The following EPPIN variants were observed in gnomAD, a reference collection of about 807,000 sequenced individuals.
The protein encoded by EPPIN is epididymal peptidase inhibitor.
A neutral mutation model predicts 18.8 loss-of-function variants in EPPIN; 14 were observed. The observed-to-expected ratio is 0.75, with a 90% CI of 0.49 to 1.17. The LOEUF (loss-of-function observed/expected upper bound fraction) is 1.17. Among genes scored for constraint, EPPIN ranks in the 50% most tolerant of loss-of-function variants. EPPIN has a pLI of 0.00. For missense variants in EPPIN, 143 were observed against 154.2 expected (o/e 0.93, Z 0.39); for synonymous variants, 57 against 54.8 (o/e 1.04, Z -0.18).
intron 1 of EPPIN, among the ~76,000 whole-genome samples, chr20:45,546,988 C>T (rs73910225): frequency 0.047 from 7,080 of 152,024 alleles, 371 homozygotes; most frequent in Admixed American, 0.11. Flanking sequence ...ATTCCTGTAG[C>T]GACTCCCCTG....
chr20:45,543,549 T>C (rs943798469), intron 2 of EPPIN: 3 of 152,264 alleles, frequency 2.0e-5, no homozygotes, highest in Non-Finnish European at 2.9e-5. Flanking sequence ...AGCTCACCTC[T>C]CTGCCAGTCT....
Position 45,545,753 on chromosome 20 carries a change from T to A in EPPIN, c.109A>T (p.Arg37Ter). Residue 37 changes from arginine to a stop codon, truncating the protein, a stop_gained, in exon 2 of 4, where the codon AGA becomes TGA. Transcript: ENST00000354280. LOFTEE classifies it high-confidence loss of function. ...WLFPRRCPKI[R>*]EECEFQERDV... The stretch of plus-strand genomic sequence containing the variant: ...CTTTCTTGGAATTCACATTCTTCTC[T>A]GATTTTGGGACATCTCCCTAGGGAA... 1 of 1,614,074 alleles carries A rather than the reference T, an allele frequency of 6.2e-7. No individual in the cohort carries two copies. Among genetic ancestry groups the A allele is most frequent in the Non-Finnish European group, 8.5e-7 (1 of 1,179,930 alleles).
At chr20:45,542,512 A>G (rs1258869324) in intron 3 of EPPIN, 188 bp downstream of exon 3, 1 of 815,052 alleles carries the variant, frequency 1.2e-6, no homozygotes, top group Non-Finnish European at 1.9e-6. Context: ...TCTCATCCTC[A>G]GTTCCTCATA....
chr20:45,544,164 G>A (rs1412975618), intron 2 of EPPIN: 1 of 152,092 alleles, frequency 6.6e-6, no homozygotes, highest in African/African-American at 2.4e-5. Flanking sequence ...GGAACGTTGA[G>A]GATAAACGAA....
intron 2 of EPPIN, chr20:45,545,211 G>A (rs752366916): frequency 3.5e-4 from 62 of 177,634 alleles, no homozygotes; most frequent in Non-Finnish European, 2.5e-4. Context: ...CAGGAGAGGC[G>A]TTTTGGTGCA....
Position 45,541,837 on chromosome 20 carries a change from G to T in EPPIN, c.*307C>A. ...AAAGATGTCAATCACTCAGCCTCAAGGCACAGGACTACATCAAGTACTTTA... is the reference window on the plus strand; with the variant it reads ...AAAGATGTCAATCACTCAGCCTCAATGCACAGGACTACATCAAGTACTTTA... On this transcript the variant is annotated 3_prime_UTR_variant, in exon 4 of 4. Coordinates refer to ENST00000354280, the MANE Select transcript of EPPIN (RefSeq NM_020398.4). 3.0e-6 allele frequency: 1 copy of T among 335,962 alleles called. No homozygotes were observed. The highest frequency in any genetic ancestry group is 4.9e-5 in the East Asian group (1 of 20,388). The allele number at this position is 335,962 out of a possible 1,614,324, so 20.8% of individuals were successfully genotyped here.
intron 2 of EPPIN, chr20:45,544,470 A>T (rs1238074066): frequency 6.6e-6 from 1 of 152,150 alleles, no homozygotes; most frequent in Non-Finnish European, 1.5e-5. Flanking sequence ...GCTCGTAAAA[A>T]CTGGAGGTAA....
intron 2 of EPPIN, chr20:45,543,679 T>G (rs1002953006): frequency 2.0e-5 from 3 of 152,184 alleles, no homozygotes; most frequent in African/African-American, 7.3e-5. Flanking sequence ...GAGAGAAGGA[T>G]CTGATGGATC....
chr20:45,547,288 G>C lies in EPPIN; in HGVS notation c.70C>G (p.Leu24Val). The C allele has an allele frequency of 6.2e-7, 1 of 1,613,970 alleles. No individual in the cohort carries two copies. Among genetic ancestry groups the C allele is most frequent in the Non-Finnish European group, 8.5e-7 (1 of 1,179,886 alleles). The part of the protein sequence containing the change: ...VLLANVQGPG[L>V]TDWLFPRRCP... ...TTACTGGGAAATAACCAATCAGTCA[G>C]ACCAGGTCCCTGGACATTCGCTAAG... The change falls in exon 1 of 4, where the codon CTG (leucine) becomes GTG (valine). Residue 24 changes from leucine (L) to valine (V), a missense_variant. Physicochemically the swap from Leu to Val is conservative, Grantham distance 32. Transcript: ENST00000354280.
Position 45,542,897 on chromosome 20 carries a change from A to G in EPPIN, c.224-30T>C, listed in dbSNP as rs200975605. On this transcript the variant is annotated intron_variant, in intron 2 of 3. Transcript: ENST00000354280. ...AGAGAGACTCCAGAGTTGAAAACTC[A>G]GTGTGCCCACTCCAGAAATAAACAG... 4.0e-4 allele frequency: 635 copies of G among 1,590,926 alleles called. 1 individual carries two copies. Among genetic ancestry groups the G allele is most frequent in the Middle Eastern group, 8.5e-4 (5 of 5,912 alleles).
intron 1 of EPPIN, among the ~76,000 whole-genome samples, chr20:45,546,558 T>C (rs1429984401): frequency 6.6e-6 from 1 of 152,216 alleles, no homozygotes; most frequent in Non-Finnish European, 1.5e-5. Flanking sequence ...AATTGCTCTA[T>C]GAAGGAAGTT....
chr20:45,542,504 T>C, intron 3 of EPPIN, 196 bp downstream of exon 3: 1 of 782,140 alleles, frequency 1.3e-6, no homozygotes. Context: ...ACATCCCTTC[T>C]CATCCTCAGT....
intron 3 of EPPIN, chr20:45,542,360 G>T: frequency 1.4e-6 from 1 of 697,360 alleles, no homozygotes; most frequent in South Asian, 2.0e-5. Flanking sequence ...GGCTTAGAAG[G>T]GTTGGTTGGT....
chr20:45,540,846 G>A lies in EPPIN; in HGVS notation c.*1298C>T, dbSNP rs986391996. Reference sequence around the variant, plus strand: ...GAATGTAAATTGGTTCAACCATTGTGGAAGAGAGTGTGCCAATTCCTGAAA... The same window carrying A: ...GAATGTAAATTGGTTCAACCATTGTAGAAGAGAGTGTGCCAATTCCTGAAA... On this transcript the variant is annotated 3_prime_UTR_variant, in exon 4 of 4. Coordinates refer to ENST00000354280, the MANE Select transcript of EPPIN (RefSeq NM_020398.4). The A allele has an allele frequency of 6.6e-6, 1 of 152,196 alleles. No individual in the cohort carries two copies. The highest frequency in any genetic ancestry group is 6.5e-5 in the Admixed American group (1 of 15,288). 9.4% of individuals were successfully genotyped at this position (152,196 alleles called of 1,614,324 possible). A position where few individuals can be genotyped will look rare whatever the true frequency, so the allele number is the denominator to read the frequency against.
Position 45,542,258 on chromosome 20 carries a change from G to T in EPPIN, c.392-104C>A, listed in dbSNP as rs570851814. ...TCTTTGCACAGAAAGACACTAAAAA[G>T]TAGTGGGTTTGCTTTGGGGAGCTCT... On this transcript the variant is annotated intron_variant, in intron 3 of 3. Transcript: ENST00000354280. 2.7e-6 allele frequency: 4 copies of T among 1,497,246 alleles called. No individual in the cohort carries two copies. In the South Asian group the frequency reaches 3.7e-5, roughly 14 times the overall value. The allele number at this position is 1,497,246 out of a possible 1,614,324, so 92.7% of individuals were successfully genotyped here. A position where few individuals can be genotyped will look rare whatever the true frequency, so the allele number is the denominator to read the frequency against.
At chr20:45,546,209 T>A in intron 1 of EPPIN, 1 of 208,634 alleles carries the variant, frequency 4.8e-6, no homozygotes, top group Admixed American at 5.8e-5. Flanking sequence ...GCCACTGATG[T>A]AAGCCAATGC....
rs1600874990 is a variant in EPPIN, at chr20:45,542,364, G to C, written c.392-210C>G. ...GAGACATTGATGGCTTAGAAGGGTTGGTTGGTCAACGTGTCTTAAGTTTAG... is the reference window on the plus strand; with the variant it reads ...GAGACATTGATGGCTTAGAAGGGTTCGTTGGTCAACGTGTCTTAAGTTTAG... On this transcript the variant is annotated intron_variant, in intron 3 of 3. Coordinates refer to ENST00000354280, the MANE Select transcript of EPPIN (RefSeq NM_020398.4). The C allele has an allele frequency of 4.3e-6, 3 of 693,532 alleles. No homozygotes were observed. The East Asian group carries it at 8.2e-5, about 19-fold the overall frequency. 43.0% of individuals were successfully genotyped at this position (693,532 alleles called of 1,614,324 possible).
intron 2 of EPPIN, chr20:45,543,530 C>T (rs1475655179): frequency 6.6e-6 from 1 of 152,180 alleles, no homozygotes; most frequent in Non-Finnish European, 1.5e-5. Context: ...TTGATTTTTA[C>T]CTCCTAATAG....
intron 1 of EPPIN, 112 bp downstream of exon 1, chr20:45,547,154 CG>C: frequency 4.8e-6 from 7 of 1,464,524 alleles, no homozygotes; most frequent in Non-Finnish European, 6.5e-6. Context: ...TCTCCCAACC[CG>C]GGACCTGGGC....
Sources: gnomAD v4.1 joint callset for allele counts (sites outside exome capture counted in the v4.1 genomes callset) on GRCh38, gnomAD v4.1.1 for gene constraint, MANE v1.5 for transcripts, NCBI Gene and HGNC (gene_info 2026-07-23, HGNC 2026-07-21) for gene names.